Variants in SLC71A2 observed in about 807,000 individuals in gnomAD.
SLC71A2 encodes the protein solute carrier family 71 member 2, also known as hippocampus abundant transcript-like 1.
the SLC71A2 span, among the ~76,000 whole-genome samples, chr9:94,431,769 C>T: frequency 2.6e-5 from 4 of 152,052 alleles, no homozygotes; most frequent in African/African-American, 9.6e-5. Flanking sequence ...CCAACTGAGC[C>T]GACGTCCCAG....
the SLC71A2 span, among the ~76,000 whole-genome samples, chr9:94,436,847 C>T: frequency 2.0e-5 from 3 of 152,176 alleles, no homozygotes; most frequent in South Asian, 2.1e-4. Context: ...ATTCACCAAA[C>T]GTATTTGAAA....
the SLC71A2 span, among the ~76,000 whole-genome samples, chr9:94,422,756 T>C: frequency 6.6e-6 from 1 of 152,216 alleles, no homozygotes; most frequent in African/African-American, 2.4e-5. Context: ...ATCTTTTTGT[T>C]AAGTGTCAGT....
chr9:94,399,401 C>A, the SLC71A2 span, among the ~76,000 whole-genome samples: 2 of 151,978 alleles, frequency 1.3e-5, no homozygotes, highest in Non-Finnish European at 2.9e-5. Context: ...CAGGCTCTTT[C>A]AGCTGATAGA....
chr9:94,383,921 T>C, the SLC71A2 span, among the ~76,000 whole-genome samples: 1 of 152,170 alleles, frequency 6.6e-6, no homozygotes, highest in Non-Finnish European at 1.5e-5. Context: ...ATAAATGTAA[T>C]TTTTTAAAAT....
the SLC71A2 span, chr9:94,415,358 T>C: frequency 1.2e-6 from 1 of 833,774 alleles, no homozygotes; most frequent in Non-Finnish European, 2.0e-6. Flanking sequence ...TAGCTCTTGA[T>C]AGTGATTTAA....
the SLC71A2 span, among the ~76,000 whole-genome samples, chr9:94,424,251 G>T: frequency 6.6e-6 from 1 of 151,692 alleles, no homozygotes; most frequent in Admixed American, 6.6e-5. Flanking sequence ...GCGGAGGGGG[G>T]AGCAATGGAG....
At chr9:94,402,003 C>G in the SLC71A2 span, among the ~76,000 whole-genome samples, 1 of 152,130 alleles carries the variant, frequency 6.6e-6, no homozygotes, top group Non-Finnish European at 1.5e-5. Context: ...TGTAAACTGT[C>G]ATGGCACTGG....
the SLC71A2 span, among the ~76,000 whole-genome samples, chr9:94,424,339 A>C: frequency 6.6e-6 from 1 of 151,746 alleles, no homozygotes; most frequent in South Asian, 2.1e-4. Flanking sequence ...GGTTCAAGTG[A>C]TTCTCCTGCT....
the SLC71A2 span, among the ~76,000 whole-genome samples, chr9:94,427,805 G>C: frequency 6.8e-6 from 1 of 146,396 alleles, no homozygotes; most frequent in Non-Finnish European, 1.5e-5. Context: ...GGAGAATGTG[G>C]GACTGAGAGA....
At chr9:94,415,148 T>A in the SLC71A2 span, 15 of 1,598,162 alleles carry the variant, frequency 9.4e-6, no homozygotes, top group Non-Finnish European at 1.1e-5. Flanking sequence ...ATAATAACTT[T>A]CTTTTTTAGC....
chr9:94,430,194 C>T, the SLC71A2 span, among the ~76,000 whole-genome samples: 26 of 146,264 alleles, frequency 1.8e-4, no homozygotes, highest in East Asian at 3.3e-3. Flanking sequence ...TGAACCACCG[C>T]GCCTGACTGT....
At chr9:94,431,901 C>T in the SLC71A2 span, among the ~76,000 whole-genome samples, 1 of 152,144 alleles carries the variant, frequency 6.6e-6, no homozygotes, top group Admixed American at 6.5e-5. Flanking sequence ...TTCAGGAGGC[C>T]AACCCATGCC....
chr9:94,430,004 T>C, the SLC71A2 span, among the ~76,000 whole-genome samples: 2 of 150,268 alleles, frequency 1.3e-5, no homozygotes, highest in Non-Finnish European at 3.0e-5. Flanking sequence ...CCTCCCGGGT[T>C]CAAGCAATTC....
the SLC71A2 span, among the ~76,000 whole-genome samples, chr9:94,397,614 A>G: frequency 6.6e-6 from 1 of 152,138 alleles, no homozygotes; most frequent in Non-Finnish European, 1.5e-5. Context: ...ATGCTACTAC[A>G]TTACATTTAG....
At chr9:94,382,897 G>C in the SLC71A2 span, among the ~76,000 whole-genome samples, 1 of 152,002 alleles carries the variant, frequency 6.6e-6, no homozygotes, top group South Asian at 2.1e-4. Context: ...GTTTCACCGC[G>C]CTAGCCAGGA....
At chr9:94,382,101 A>G in the SLC71A2 span, among the ~76,000 whole-genome samples, 1 of 151,182 alleles carries the variant, frequency 6.6e-6, no homozygotes, top group African/African-American at 2.4e-5. Context: ...ATCTTGGCTC[A>G]TTGCAGCCTT....
chr9:94,393,913 CA>C, the SLC71A2 span, among the ~76,000 whole-genome samples: 2 of 74,676 alleles, frequency 2.7e-5, no homozygotes, highest in African/African-American at 1.2e-4. Context: ...AGGACTGTAT[CA>C]CCATTGTCCC....
the SLC71A2 span, among the ~76,000 whole-genome samples, chr9:94,389,669 C>T: frequency 4.6e-3 from 695 of 151,908 alleles, 3 homozygotes; most frequent in Admixed American, 8.9e-3. Flanking sequence ...TGCAGTGGTA[C>T]GATAATGGCT....
the SLC71A2 span, among the ~76,000 whole-genome samples, chr9:94,451,707 G>A: frequency 6.6e-6 from 1 of 152,216 alleles, no homozygotes. Context: ...AGAAACTGAT[G>A]TGAATGTGGT....
Sources: allele counts gnomAD v4.1 joint callset (sites outside exome capture counted in the v4.1 genomes callset), GRCh38; gene constraint gnomAD v4.1.1; transcripts MANE v1.5; gene names NCBI Gene and HGNC (gene_info 2026-07-23, HGNC 2026-07-21).